Variants in EYS observed in about 807,000 individuals in gnomAD.
EYS encodes EGF-like photoreceptor maintenance factor.
EYS carries 250 observed loss-of-function variants against 282.1 expected under a neutral mutation model. The ratio of observed to expected loss-of-function variants is 0.89; its 90% confidence interval spans 0.80 to 0.98. The LOEUF is 0.98. Among genes scored for constraint, EYS ranks in the 50% least tolerant of loss-of-function variants. The probability of loss-of-function intolerance (pLI) is 0.00; values close to 1 mark genes in which losing one functional copy is unlikely to be tolerated. For missense variants in EYS, 4,016 were observed against 3,709.0 expected (o/e 1.08, Z -2.15); for synonymous variants, 1,355 against 1,282.9 (o/e 1.06, Z -1.20).
intron 33 of EYS, among the ~76,000 whole-genome samples, chr6:64,003,022 C>T (rs949263845): frequency 1.3e-5 from 2 of 152,072 alleles, no homozygotes; most frequent in Non-Finnish European, 2.9e-5. Flanking sequence ...TTCAGGTTCA[C>T]CTATATACAT....
At chr6:65,575,464 A>G (rs1764631563) in intron 2 of EYS, among the ~76,000 whole-genome samples, 1 of 151,794 alleles carries the variant, frequency 6.6e-6, no homozygotes, top group Non-Finnish European at 1.5e-5. Flanking sequence ...AAGGAAGTTT[A>G]GTAATAAATG....
Position 63,735,354 on chromosome 6 carries a change from A to C in EYS, c.8072-8674T>G, listed in dbSNP as rs373406340. Reference sequence around the variant, plus strand: ...CTCACTTTGAAACAATTTTGAACTTATAGATAAGTTGCCATAACAAAAAGA... The same window carrying C: ...CTCACTTTGAAACAATTTTGAACTTCTAGATAAGTTGCCATAACAAAAAGA... On this transcript the variant is annotated intron_variant, in intron 41 of 42. Coordinates refer to ENST00000503581, the MANE Select transcript of EYS (RefSeq NM_001142800.2). Among the ~76,000 whole-genome samples, 137 of 152,226 alleles carry C rather than the reference A, an allele frequency of 9.0e-4. No homozygotes were observed. The South Asian group carries it at 0.022, about 25-fold the overall frequency.
At chr6:64,052,407 T>C (rs1770837797) in intron 33 of EYS, among the ~76,000 whole-genome samples, 1 of 152,178 alleles carries the variant, frequency 6.6e-6, no homozygotes, top group East Asian at 1.9e-4. Flanking sequence ...ATCAGTCTTT[T>C]AATTAGAAAT....
At position 63,808,074 on chromosome 6, in the gene EYS, T is replaced by C. The variant is rs141677588; in HGVS notation, c.7229-1702A>G. Among the ~76,000 whole-genome samples the C allele has an allele frequency of 5.4e-3, 823 of 152,326 alleles. 3 individuals are homozygous for C. The highest frequency in any genetic ancestry group is 0.019 in the African/African-American group (796 of 41,578). ...TTGACAAATACGTATCTCATATATA[T>C]GGTATTTTACTGTCAGAACCTGTGC... is the stretch of plus-strand genomic sequence containing the variant. On this transcript the variant is annotated intron_variant, in intron 36 of 42. Transcript: ENST00000503581.
At chr6:64,740,673 T>C (rs1333231695) in intron 22 of EYS, among the ~76,000 whole-genome samples, 1 of 151,650 alleles carries the variant, frequency 6.6e-6, no homozygotes, top group Non-Finnish European at 1.5e-5. Flanking sequence ...ACTTTGAACA[T>C]CCAGCTAAAA....
intron 31 of EYS, among the ~76,000 whole-genome samples, chr6:64,181,370 T>C (rs1315009380): frequency 6.6e-6 from 1 of 152,126 alleles, no homozygotes; most frequent in Non-Finnish European, 1.5e-5. Flanking sequence ...GCAGATTATA[T>C]GCTCTATAAT....
chr6:64,228,244 G>A (rs535959682), intron 31 of EYS, among the ~76,000 whole-genome samples: 62 of 152,242 alleles, frequency 4.1e-4, no homozygotes, highest in African/African-American at 1.4e-3. Context: ...CAAATGTAAA[G>A]AGTAAATGGT....
intron 35 of EYS, among the ~76,000 whole-genome samples, chr6:63,919,627 G>A (rs1454332387): frequency 6.6e-6 from 1 of 152,194 alleles, no homozygotes; most frequent in Non-Finnish European, 1.5e-5. Context: ...GGGAAGGTTT[G>A]GCAATCCCTC....
intron 11 of EYS, among the ~76,000 whole-genome samples, chr6:65,318,300 AG>A (rs1769370958): frequency 6.6e-6 from 1 of 151,898 alleles, no homozygotes. Context: ...AGAGCGACAA[AG>A]ACACAAAGAG....
chr6:64,373,958 A>T (rs1772478234), intron 29 of EYS, among the ~76,000 whole-genome samples: 1 of 151,922 alleles, frequency 6.6e-6, no homozygotes, highest in Non-Finnish European at 1.5e-5. Context: ...CTGCCTGGCT[A>T]TCAGCAGCTG....
chr6:64,742,657 A>T (rs1772415823), intron 22 of EYS, among the ~76,000 whole-genome samples: 1 of 152,134 alleles, frequency 6.6e-6, no homozygotes, highest in African/African-American at 2.4e-5. Context: ...GATGGTAGTG[A>T]TGGGTTCACA....
At chr6:65,511,341 CTGTG>C (rs202062196) in intron 2 of EYS, among the ~76,000 whole-genome samples, 11 of 148,616 alleles carry the variant, frequency 7.4e-5, no homozygotes, top group East Asian at 2.0e-4. Flanking sequence ...CAAATGCATT[CTGTG>C]TGTGTGTGTG....
At chr6:65,606,531 C>T (rs538975226) in intron 2 of EYS, among the ~76,000 whole-genome samples, 5 of 151,782 alleles carry the variant, frequency 3.3e-5, no homozygotes, top group Admixed American at 2.6e-4. Context: ...CTTTGAATGT[C>T]GCACCATTCT....
intron 2 of EYS, among the ~76,000 whole-genome samples, chr6:65,595,969 A>G (rs1043121659): frequency 1.3e-5 from 2 of 152,050 alleles, no homozygotes; most frequent in Non-Finnish European, 2.9e-5. Flanking sequence ...TCAACCCCCT[A>G]TCTCAGTGGA....
chr6:65,098,994 G>A (rs890539330), intron 12 of EYS, among the ~76,000 whole-genome samples: 1 of 150,576 alleles, frequency 6.6e-6, no homozygotes, highest in East Asian at 1.9e-4. Context: ...TAAGCCATTT[G>A]CAATGTAAAT....
chr6:65,541,714 T>C (rs1217067500), intron 2 of EYS, among the ~76,000 whole-genome samples: 1 of 152,076 alleles, frequency 6.6e-6, no homozygotes, highest in Non-Finnish European at 1.5e-5. Context: ...ATGTGGATAA[T>C]AGTGTATTTA....
intron 12 of EYS, among the ~76,000 whole-genome samples, chr6:65,120,636 G>A (rs975859927): frequency 1.3e-5 from 2 of 151,996 alleles, no homozygotes; most frequent in Non-Finnish European, 2.9e-5. Flanking sequence ...AAACCTCAGA[G>A]GGACTCCAGT....
In EYS at chr6:65,123,863, G is replaced by A. The variant is rs79031288; in HGVS notation, c.2024-66136C>T. On this transcript the variant is annotated intron_variant, in intron 12 of 42. Transcript: ENST00000503581. ...CCTAAATTCTGAAATGGTGAAAACAGTCACTTTATCAGAAGGATGTTCATA... is the reference window on the plus strand; with the variant it reads ...CCTAAATTCTGAAATGGTGAAAACAATCACTTTATCAGAAGGATGTTCATA... Among the ~76,000 whole-genome samples, 1,359 of 151,994 alleles carry A rather than the reference G, an allele frequency of 8.9e-3. 13 individuals carry two copies. Among genetic ancestry groups the A allele is most frequent in the African/African-American group, 0.031 (1,279 of 41,434 alleles).
intron 7 of EYS, among the ~76,000 whole-genome samples, chr6:65,389,742 A>C (rs772023746): frequency 2.6e-5 from 4 of 152,160 alleles, no homozygotes; most frequent in Non-Finnish European, 5.9e-5. Flanking sequence ...GGGCTCAGTA[A>C]TCAATTATGA....
Sources: allele counts gnomAD v4.1 joint callset (sites outside exome capture counted in the v4.1 genomes callset), GRCh38; gene constraint gnomAD v4.1.1; transcripts MANE v1.5; gene names NCBI Gene and HGNC (gene_info 2026-07-23, HGNC 2026-07-21).